The following STUM variants were observed in gnomAD, a reference collection of about 807,000 sequenced individuals.
The protein encoded by STUM is stum, mechanosensory transduction mediator homolog.
A neutral mutation model predicts 15.3 loss-of-function variants in STUM; 8 were observed. The ratio of observed to expected loss-of-function variants is 0.52; its 90% CI spans 0.31 to 0.94. STUM has a LOEUF of 0.94. Among genes scored for constraint, STUM ranks in the 40% least tolerant of loss-of-function variants. STUM has a pLI of 0.05. For missense variants in STUM, 142 were observed against 204.9 expected, an observed-to-expected ratio of 0.69 and a Z score of 1.87; for synonymous variants, 78 against 88.7, an observed-to-expected ratio of 0.88 and a Z score of 0.68.
chr1:226,575,989 G>T (rs1330840647), intron 1 of STUM, among the ~76,000 whole-genome samples: 1 of 152,228 alleles, frequency 6.6e-6, no homozygotes, highest in Non-Finnish European at 1.5e-5. Context: ...AGAACGTACT[G>T]CCCTAGGTTT....
intron 1 of STUM, among the ~76,000 whole-genome samples, chr1:226,574,553 A>G (rs901527862): frequency 6.6e-6 from 1 of 152,164 alleles, no homozygotes; most frequent in African/African-American, 2.4e-5. Flanking sequence ...GATCGGCCAG[A>G]CCTGTATCAT....
intron 1 of STUM, among the ~76,000 whole-genome samples, chr1:226,580,993 G>A (rs1667908765): frequency 6.6e-6 from 1 of 152,196 alleles, no homozygotes; most frequent in Non-Finnish European, 1.5e-5. Context: ...TTGGTGAATA[G>A]TCTTCTGCCA....
rs1553310324 is a variant in STUM at position 226,567,794 on chromosome 1, A to AGGGGC, written c.202+18688_202+18689insGGGGC. Among the ~76,000 whole-genome samples the AGGGGC allele has an allele frequency of 6.6e-5, 10 of 152,240 alleles. No homozygotes were observed. Among genetic ancestry groups the AGGGGC allele is most frequent in the Non-Finnish European group, 2.9e-5 (2 of 68,034 alleles). ...CGCATTTGGCACCAGATGCTGCCTA[A>AGGGGC]TTGAACACCTGAACACAGCTGAGGG... On this transcript the variant is annotated intron_variant, in intron 1 of 3. Coordinates refer to ENST00000366788, the MANE Select transcript of STUM (RefSeq NM_001003665.4). The surrounding 1 kb of genome is among the most constrained non-coding windows in gnomAD (Gnocchi z 4.5).
intron 1 of STUM, among the ~76,000 whole-genome samples, chr1:226,578,863 AT>A (rs1667867408): frequency 1.3e-5 from 2 of 152,114 alleles, no homozygotes; most frequent in Non-Finnish European, 2.9e-5. Flanking sequence ...TCTCTTGCTG[AT>A]TTCTCTCTCA....
At chr1:226,592,945 G>A (rs1668112758) in intron 1 of STUM, among the ~76,000 whole-genome samples, 1 of 152,160 alleles carries the variant, frequency 6.6e-6, no homozygotes, top group Non-Finnish European at 1.5e-5. Context: ...CAGCACTTTG[G>A]GAGGCCAAGG....
chr1:226,600,521 G>C lies in STUM; in HGVS notation c.383-145G>C. ...TGGCGTCTGAGAAGCCACTGGCATG[G>C]CCCCTGTCCCATCTCCCAGGCCTCA... On this transcript the variant is annotated intron_variant, in intron 2 of 3. Coordinates refer to ENST00000366788, the MANE Select transcript of STUM (RefSeq NM_001003665.4). This position sits in a 1 kb window ranked among gnomAD's most constrained non-coding sequence, Gnocchi z 5.2. 1.1e-6 allele frequency: 1 copy of C among 946,672 alleles called. No individual in the cohort carries two copies. The highest frequency in any genetic ancestry group is 1.7e-6 in the Non-Finnish European group (1 of 605,722). 58.6% of individuals were successfully genotyped at this position (946,672 alleles called of 1,614,324 possible).
At chr1:226,596,688 G>C (rs1312864719) in intron 1 of STUM, 114 bp from the exon 2 acceptor site, 2 of 937,658 alleles carry the variant, frequency 2.1e-6, no homozygotes, top group East Asian at 2.4e-5. Context: ...GACATCGGTG[G>C]TTCTTCTCTG....
intron 1 of STUM, among the ~76,000 whole-genome samples, chr1:226,579,490 G>C (rs1001392304): frequency 6.6e-6 from 1 of 152,208 alleles, no homozygotes; most frequent in South Asian, 2.1e-4. Flanking sequence ...ACCCGCAAGT[G>C]TGAGATGAGG....
intron 1 of STUM, among the ~76,000 whole-genome samples, chr1:226,574,733 C>T (rs781463645): frequency 7.2e-5 from 11 of 152,146 alleles, no homozygotes; most frequent in Non-Finnish European, 1.6e-4. Context: ...ATGTGGAGAC[C>T]TCACATAAAC....
chr1:226,594,844 C>A (rs1017184041), intron 1 of STUM, among the ~76,000 whole-genome samples: 1 of 152,112 alleles, frequency 6.6e-6, no homozygotes, highest in Non-Finnish European at 1.5e-5. Context: ...TTAGTAGAGA[C>A]AGGATTTCAC....
chr1:226,600,696 C>A lies in STUM; in HGVS notation c.391+22C>A, dbSNP rs1397179772. 6.2e-7 allele frequency: 1 copy of A among 1,609,844 alleles called. No individual in the cohort carries two copies. Among genetic ancestry groups the A allele is most frequent in the South Asian group, 1.1e-5 (1 of 91,078 alleles). On this transcript the variant is annotated intron_variant, in intron 3 of 3. Transcript: ENST00000366788. This position sits in a 1 kb window ranked among gnomAD's most constrained non-coding sequence, Gnocchi z 5.2. ...CAAGGTGAGTCTGCGGATGGACGTG[C>A]GGGCCTCGTGCTGCTGCTTGGGGCC...
intron 1 of STUM, among the ~76,000 whole-genome samples, chr1:226,573,115 C>CACCTG: frequency 6.6e-6 from 1 of 152,356 alleles, no homozygotes; most frequent in East Asian, 1.9e-4. Context: ...TGTAGTGTTA[C>CACCTG]CTGGGCACCT....
At chr1:226,551,185 C>T (rs1326565380) in intron 1 of STUM, among the ~76,000 whole-genome samples, 7 of 152,064 alleles carry the variant, frequency 4.6e-5, no homozygotes. Flanking sequence ...TGGTGGTTCT[C>T]ATCTGTAAGT....
chr1:226,577,870 G>T (rs950144487), intron 1 of STUM, among the ~76,000 whole-genome samples: 2 of 152,172 alleles, frequency 1.3e-5, no homozygotes, highest in African/African-American at 2.4e-5. Flanking sequence ...ACAGTAGGGC[G>T]GGGGAGAGTG....
At position 226,549,060 on chromosome 1, in the gene STUM, C is replaced by T. The variant is rs149419160; in HGVS notation, c.156C>T (p.Pro52=). Reference sequence around the variant, plus strand: ...CCGCCATCCCCTACATGCCCTTCCCCGTGGCCGTCATCTGCCTCTTCCTCA... The same window carrying T: ...CCGCCATCCCCTACATGCCCTTCCCTGTGGCCGTCATCTGCCTCTTCCTCA... The part of the protein sequence containing the change: ...LRAAIPYMPF[P]VAVICLFLNT... Residue 52 remains proline, a synonymous_variant, in exon 1 of 4, where the codon CCC becomes CCT. Coordinates refer to ENST00000366788, the MANE Select transcript of STUM (RefSeq NM_001003665.4). The surrounding 1 kb of genome is among the most constrained non-coding windows in gnomAD (Gnocchi z 6.8). The T allele has an allele frequency of 6.3e-7, 1 of 1,581,870 alleles. No homozygotes were observed. The highest frequency in any genetic ancestry group is 8.6e-7 in the Non-Finnish European group (1 of 1,166,782).
At chr1:226,562,474 GA>G (rs58206352) in intron 1 of STUM, among the ~76,000 whole-genome samples, 2,882 of 108,488 alleles carry the variant, frequency 0.027, 48 homozygotes, top group African/African-American at 0.069. Flanking sequence ...GACTCCTTCT[GA>G]AAAAAAAAAA....
chr1:226,554,012 G>T (rs1345148874), intron 1 of STUM, among the ~76,000 whole-genome samples: 2 of 152,160 alleles, frequency 1.3e-5, no homozygotes, highest in Admixed American at 1.3e-4. Context: ...ATGCCATATG[G>T]CTTGCCTGCC....
intron 1 of STUM, among the ~76,000 whole-genome samples, chr1:226,554,109 G>T (rs1469472722): frequency 2.6e-5 from 4 of 152,234 alleles, no homozygotes; most frequent in African/African-American, 7.2e-5. Context: ...GAGTGGAAAT[G>T]ACATATTCCA....
rs1211595909 is a variant in STUM, at chr1:226,567,124, C to A, written c.202+18018C>A. ...TGGGGGAGAAGGAGACCAGCCTGTT[C>A]CTAGGATGAAGCCAGTAGGGTGGTG... is the stretch of plus-strand genomic sequence containing the variant. On this transcript the variant is annotated intron_variant, in intron 1 of 3. Transcript: ENST00000366788. The surrounding 1 kb of genome is among the most constrained non-coding windows in gnomAD (Gnocchi z 4.5). Among the ~76,000 whole-genome samples, 1 of 152,148 alleles carries A rather than the reference C, an allele frequency of 6.6e-6. No individual in the cohort carries two copies. Among genetic ancestry groups the A allele is most frequent in the Non-Finnish European group, 1.5e-5 (1 of 68,026 alleles).
Sources: gnomAD v4.1 joint callset for allele counts (sites outside exome capture counted in the v4.1 genomes callset) on GRCh38, gnomAD v4.1.1 for gene constraint, Gnocchi (gnomAD v3.1) non-coding constraint, MANE v1.5 for transcripts, NCBI Gene and HGNC (gene_info 2026-07-23, HGNC 2026-07-21) for gene names.